The following LRRC4C variants were observed in gnomAD, a reference collection of about 807,000 sequenced individuals.
The protein encoded by LRRC4C is leucine rich repeat containing 4C, also known as leucine-rich repeat-containing protein 4C.
LRRC4C carries 5 observed loss-of-function variants against 33.6 expected under a neutral mutation model. The ratio of observed to expected loss-of-function variants is 0.15; its 90% CI spans 0.08 to 0.31. The LOEUF is 0.31. Ranked by LOEUF, LRRC4C falls within the 10% of genes least tolerant of loss-of-function variation. LRRC4C has a pLI of 1.00. For missense variants in LRRC4C, 560 were observed against 796.7 expected, an observed-to-expected ratio of 0.70 and a Z score of 3.58; for synonymous variants, 329 against 302.0, an observed-to-expected ratio of 1.09 and a Z score of -0.93.
At chr11:41,071,975 C>A (rs1006263089) in intron 1 of LRRC4C, among the ~76,000 whole-genome samples, 1 of 152,086 alleles carries the variant, frequency 6.6e-6, no homozygotes, top group Non-Finnish European at 1.5e-5. Flanking sequence ...ATAAGAATTG[C>A]AGCCCGGAGA....
intron 1 of LRRC4C, among the ~76,000 whole-genome samples, chr11:41,355,989 G>A (rs987121861): frequency 6.6e-6 from 1 of 152,026 alleles, no homozygotes; most frequent in Non-Finnish European, 1.5e-5. Flanking sequence ...TAAAAAAGAG[G>A]ATGATAATAA....
intron 3 of LRRC4C, among the ~76,000 whole-genome samples, chr11:40,624,603 CTG>C (rs1962758144): frequency 6.6e-6 from 1 of 152,114 alleles, no homozygotes; most frequent in Non-Finnish European, 1.5e-5. Context: ...AAACCAAGCT[CTG>C]TCAAAAAGTG....
intron 2 of LRRC4C, among the ~76,000 whole-genome samples, chr11:40,658,299 T>C (rs867421014): frequency 1.3e-5 from 2 of 152,220 alleles, no homozygotes; most frequent in South Asian, 4.1e-4. Context: ...AAGAGCCTTA[T>C]TTAAGGTTGA....
chr11:40,953,519 T>A (rs938592589), intron 1 of LRRC4C, among the ~76,000 whole-genome samples: 2 of 151,844 alleles, frequency 1.3e-5, no homozygotes, highest in African/African-American at 4.8e-5. Flanking sequence ...CTGTATGTAA[T>A]TTCATAAGCA....
At chr11:41,183,956 G>A (rs1945570318) in intron 1 of LRRC4C, among the ~76,000 whole-genome samples, 1 of 152,154 alleles carries the variant, frequency 6.6e-6, no homozygotes, top group African/African-American at 2.4e-5. Context: ...CCAAGGCTTG[G>A]GGCTTCTACC....
At chr11:40,290,987 G>T (rs1201789069) in intron 4 of LRRC4C, among the ~76,000 whole-genome samples, 1 of 152,102 alleles carries the variant, frequency 6.6e-6, no homozygotes, top group Admixed American at 6.5e-5. Context: ...TTTGCCTGGC[G>T]TTCTGAGGCT....
At chr11:41,166,088 C>T (rs1266745504) in intron 1 of LRRC4C, among the ~76,000 whole-genome samples, 1 of 150,838 alleles carries the variant, frequency 6.6e-6, no homozygotes, top group African/African-American at 2.4e-5. Flanking sequence ...GCTTTCTCAC[C>T]TTGGAAAAAT....
intron 5 of LRRC4C, among the ~76,000 whole-genome samples, chr11:40,211,679 T>A (rs2135830078): frequency 6.6e-6 from 1 of 152,268 alleles, no homozygotes; most frequent in Admixed American, 6.5e-5. Flanking sequence ...TGTACCCAGG[T>A]GTAGTTATAT....
intron 1 of LRRC4C, among the ~76,000 whole-genome samples, chr11:41,301,384 G>C (rs1336291787): frequency 6.6e-6 from 1 of 152,144 alleles, no homozygotes; most frequent in Non-Finnish European, 1.5e-5. Context: ...TAAAAGCTTT[G>C]TTGTCAAATT....
chr11:40,595,901 T>C (rs928633260), intron 3 of LRRC4C, among the ~76,000 whole-genome samples: 1 of 152,118 alleles, frequency 6.6e-6, no homozygotes, highest in Admixed American at 6.6e-5. Flanking sequence ...GGGAAAGAAG[T>C]CTATAGCGAC....
chr11:41,169,890 G>C (rs1190377071), intron 1 of LRRC4C, among the ~76,000 whole-genome samples: 1 of 152,080 alleles, frequency 6.6e-6, no homozygotes, highest in African/African-American at 2.4e-5. Context: ...CACTGGATAA[G>C]ATGAAAATGT....
At chr11:40,382,511 C>T (rs2137363291) in intron 3 of LRRC4C, among the ~76,000 whole-genome samples, 1 of 151,426 alleles carries the variant, frequency 6.6e-6, no homozygotes, top group Non-Finnish European at 1.5e-5. Flanking sequence ...CCAAAAGTTT[C>T]CTCCAACCCT....
At chr11:40,449,345 C>CAA (rs11407596) in intron 3 of LRRC4C, among the ~76,000 whole-genome samples, 8,553 of 140,230 alleles carry the variant, frequency 0.061, 302 homozygotes, top group Non-Finnish European at 0.086. Context: ...ACAAAAGAAG[C>CAA]AAAAAAAAAA....
At chr11:40,362,022 C>G (rs981548836) in intron 3 of LRRC4C, among the ~76,000 whole-genome samples, 1 of 152,190 alleles carries the variant, frequency 6.6e-6, no homozygotes, top group Non-Finnish European at 1.5e-5. Flanking sequence ...AAAGGATTCC[C>G]TATTCAATAA....
chr11:41,133,245 C>T (rs986655184), intron 1 of LRRC4C, among the ~76,000 whole-genome samples: 49 of 152,054 alleles, frequency 3.2e-4, no homozygotes, highest in African/African-American at 1.0e-3. Flanking sequence ...ACCCTCTGGG[C>T]GGCCTCATCC....
chr11:40,495,621 C>T (rs572497743), intron 3 of LRRC4C, among the ~76,000 whole-genome samples: 7 of 151,864 alleles, frequency 4.6e-5, no homozygotes, highest in Non-Finnish European at 7.4e-5. Context: ...GCGGGTAAGA[C>T]CCTATCTAGT....
intron 1 of LRRC4C, among the ~76,000 whole-genome samples, chr11:41,145,336 T>C (rs1261708031): frequency 6.6e-6 from 1 of 152,216 alleles, no homozygotes; most frequent in Non-Finnish European, 1.5e-5. Context: ...TTATTATGTT[T>C]TTTAAACTAC....
intron 3 of LRRC4C, among the ~76,000 whole-genome samples, chr11:40,631,719 T>C (rs1479985372): frequency 6.6e-6 from 1 of 152,174 alleles, no homozygotes; most frequent in Non-Finnish European, 1.5e-5. Context: ...AATAGCGCTC[T>C]GCAAATATTA....
intron 5 of LRRC4C, among the ~76,000 whole-genome samples, chr11:40,231,712 T>C (rs1865211748): frequency 6.6e-6 from 1 of 152,172 alleles, no homozygotes; most frequent in Admixed American, 6.5e-5. Context: ...ATCTAAATAT[T>C]GACACTGAAG....
Sources: gnomAD v4.1 joint callset for allele counts (sites outside exome capture counted in the v4.1 genomes callset) on GRCh38, gnomAD v4.1.1 for gene constraint, MANE v1.5 for transcripts, NCBI Gene and HGNC (gene_info 2026-07-23, HGNC 2026-07-21) for gene names.